SHC4: variants seen among roughly 807,000 people sequenced by gnomAD.
SHC4 encodes the protein SHC adaptor protein 4, also known as SHC-transforming protein 4.
SHC4 carries 41 observed loss-of-function variants against 69.4 expected under a neutral mutation model. The ratio of observed to expected loss-of-function variants is 0.59; its 90% CI spans 0.46 to 0.77. The LOEUF (loss-of-function observed/expected upper bound fraction) is 0.77. Ranked by LOEUF, SHC4 falls within the 30% of genes least tolerant of loss-of-function variation. SHC4 has a pLI of 0.00. For missense variants in SHC4, 777 were observed against 783.8 expected, an observed-to-expected ratio of 0.99 and a Z score of 0.10; for synonymous variants, 318 against 299.3, an observed-to-expected ratio of 1.06 and a Z score of -0.64.
At chr15:48,829,695 G>A (rs1038955345) in intron 11 of SHC4, among the ~76,000 whole-genome samples, 3 of 152,206 alleles carry the variant, frequency 2.0e-5, no homozygotes, top group Non-Finnish European at 4.4e-5. Context: ...CAAGCAGGTG[G>A]ATTACCTGAG....
chr15:48,961,334 G>A (rs1053148233), intron 1 of SHC4, among the ~76,000 whole-genome samples: 1 of 152,002 alleles, frequency 6.6e-6, no homozygotes, highest in African/African-American at 2.4e-5. Flanking sequence ...AGTCAACTTC[G>A]GTCTCCCAAG....
chr15:48,958,491 C>A (rs1901489651), intron 1 of SHC4, among the ~76,000 whole-genome samples: 2 of 152,204 alleles, frequency 1.3e-5, no homozygotes, highest in South Asian at 4.1e-4. Flanking sequence ...AGGGCCACTG[C>A]AGTTACCTGC....
chr15:48,903,177 T>G (rs2141012541), intron 2 of SHC4, among the ~76,000 whole-genome samples: 1 of 152,318 alleles, frequency 6.6e-6, no homozygotes, highest in Non-Finnish European at 1.5e-5. Context: ...GGACCAGAGC[T>G]GTGCACTTAC....
chr15:48,944,311 C>G (rs1901234392), intron 1 of SHC4, among the ~76,000 whole-genome samples: 1 of 151,878 alleles, frequency 6.6e-6, no homozygotes, highest in Admixed American at 6.6e-5. Flanking sequence ...TAACAGATCC[C>G]CAAACTGCCA....
intron 2 of SHC4, among the ~76,000 whole-genome samples, chr15:48,915,758 C>G (rs758913963): frequency 1.3e-5 from 2 of 152,250 alleles, no homozygotes; most frequent in Non-Finnish European, 2.9e-5. Context: ...CGTGGGCATT[C>G]TGCCTTAGCT....
chr15:48,939,708 A>G (rs1044423230), intron 1 of SHC4, among the ~76,000 whole-genome samples: 4 of 152,316 alleles, frequency 2.6e-5, no homozygotes, highest in African/African-American at 9.6e-5. Context: ...TTCTTTCATG[A>G]GTTTCCCAAC....
At chr15:48,866,898 A>G (rs1899571904) in intron 6 of SHC4, among the ~76,000 whole-genome samples, 1 of 152,236 alleles carries the variant, frequency 6.6e-6, no homozygotes, top group South Asian at 2.1e-4. Flanking sequence ...TGAATGTCCC[A>G]GCGTTAGGGA....
intron 9 of SHC4, among the ~76,000 whole-genome samples, chr15:48,849,941 G>A (rs542688701): frequency 3.3e-5 from 5 of 152,258 alleles, no homozygotes; most frequent in South Asian, 4.1e-4. Context: ...GGTGGCTCAC[G>A]CCTGTGATCC....
intron 4 of SHC4, among the ~76,000 whole-genome samples, chr15:48,876,002 GA>G (rs1483917159): frequency 1.3e-5 from 2 of 152,232 alleles, no homozygotes; most frequent in African/African-American, 4.8e-5. Context: ...ACACAGAAGT[GA>G]GATGGCTTTC....
At chr15:48,896,517 C>T (rs1474722347) in intron 2 of SHC4, among the ~76,000 whole-genome samples, 4 of 152,032 alleles carry the variant, frequency 2.6e-5, no homozygotes, top group African/African-American at 2.4e-5. Context: ...GATGGGATTT[C>T]GCCACATTGG....
chr15:48,862,493 A>G (rs1182934750), intron 6 of SHC4, among the ~76,000 whole-genome samples: 2 of 152,212 alleles, frequency 1.3e-5, no homozygotes, highest in African/African-American at 4.8e-5. Flanking sequence ...CAAGATGGAA[A>G]AAGTGGGAAC....
intron 9 of SHC4, among the ~76,000 whole-genome samples, chr15:48,845,930 G>A (rs1218222545): frequency 6.6e-6 from 1 of 151,946 alleles, no homozygotes; most frequent in Non-Finnish European, 1.5e-5. Flanking sequence ...AACCATTTAT[G>A]TAGGAGTGCC....
intron 1 of SHC4, among the ~76,000 whole-genome samples, chr15:48,926,713 T>TTG (rs1900860490): frequency 6.6e-6 from 1 of 152,134 alleles, no homozygotes; most frequent in Non-Finnish European, 1.5e-5. Flanking sequence ...TCTGCCCACT[T>TTG]TGGCCTCCCA....
chr15:48,876,743 T>C (rs1235120019), intron 4 of SHC4: 11 of 475,104 alleles, frequency 2.3e-5, no homozygotes, highest in South Asian at 1.5e-4. Flanking sequence ...CTAGCCAAGC[T>C]GGCAGCTGAT....
rs1265889367 is a variant in SHC4 at position 48,823,854 on chromosome 15, A to G, written c.*2117T>C. Reference sequence around the variant, plus strand: ...TGTGAGATTAAAATAGCATGCAGACATTCCTTTTATTGTTTCCTTTTGCTT... The same window carrying G: ...TGTGAGATTAAAATAGCATGCAGACGTTCCTTTTATTGTTTCCTTTTGCTT... On this transcript the variant is annotated 3_prime_UTR_variant, in exon 12 of 12. Coordinates refer to ENST00000332408, the MANE Select transcript of SHC4 (RefSeq NM_203349.4). 6.6e-6 allele frequency: 1 copy of G among 152,248 alleles called. No individual in the cohort carries two copies. The highest frequency in any genetic ancestry group is 1.5e-5 in the Non-Finnish European group (1 of 68,042). The allele number at this position is 152,248 out of a possible 1,614,324, so 9.4% of individuals were successfully genotyped here.
chr15:48,921,331 G>GTTTTTT (rs35765153), intron 2 of SHC4, among the ~76,000 whole-genome samples: 1 of 140,350 alleles, frequency 7.1e-6, no homozygotes, highest in East Asian at 2.1e-4. Context: ...GGAAGTTATC[G>GTTTTTT]TTTTTTTTTT....
At chr15:48,838,227 A>G (rs1898932211) in intron 10 of SHC4, among the ~76,000 whole-genome samples, 1 of 152,222 alleles carries the variant, frequency 6.6e-6, no homozygotes, top group African/African-American at 2.4e-5. Flanking sequence ...TGAAACAAGA[A>G]AGCGGAGCGT....
At chr15:48,895,521 T>C (rs1250378543) in intron 2 of SHC4, among the ~76,000 whole-genome samples, 1 of 152,120 alleles carries the variant, frequency 6.6e-6, no homozygotes, top group Admixed American at 6.5e-5. Context: ...TGGTAGGGGC[T>C]GACTCTAGAA....
chr15:48,912,213 A>G (rs867765633), intron 2 of SHC4, among the ~76,000 whole-genome samples: 9 of 152,110 alleles, frequency 5.9e-5, no homozygotes, highest in Non-Finnish European at 1.5e-5. Context: ...TTCCTCAGGA[A>G]CACCAATTAT....
Sources: allele counts gnomAD v4.1 joint callset (sites outside exome capture counted in the v4.1 genomes callset), GRCh38; gene constraint gnomAD v4.1.1; transcripts MANE v1.5; gene names NCBI Gene and HGNC (gene_info 2026-07-23, HGNC 2026-07-21).